Variants in COL11A1 observed in about 807,000 individuals in gnomAD.
COL11A1 encodes collagen alpha-1(XI) chain.
Under a neutral mutation model 265.2 loss-of-function variants are expected in COL11A1, and 74 were observed. The observed-to-expected ratio is 0.28, with a 90% CI of 0.23 to 0.34. The LOEUF (loss-of-function observed/expected upper bound fraction) is 0.34, where lower values mean the gene tolerates loss of function less well. Among genes scored for constraint, COL11A1 ranks in the 10% least tolerant of loss-of-function variants. The pLI, the probability that COL11A1 is intolerant of heterozygous loss-of-function variation, is 1.00. For synonymous variants in COL11A1, 816 were observed against 727.6 expected, an observed-to-expected ratio of 1.12 and a Z score of -1.96; for missense variants, 2,165 against 2,263.6, an observed-to-expected ratio of 0.96 and a Z score of 0.88.
At position 102,878,185 on chromosome 1, in the gene COL11A1, TAAA is replaced by T; in HGVS notation, c.5275-23_5275-21del. On this transcript the variant is annotated intron_variant, in intron 66 of 66. Coordinates refer to ENST00000370096, the MANE Select transcript of COL11A1 (RefSeq NM_001854.4). ...TCTGGACTGTAAAATAAAGCAGAAATAAAAAGTTATACAATCTTTTAATATTTT... is the reference window on the plus strand; with the variant it reads ...TCTGGACTGTAAAATAAAGCAGAAATAAGTTATACAATCTTTTAATATTTT... 1 of 1,594,300 alleles carries T rather than the reference TAAA, an allele frequency of 6.3e-7. No individual in the cohort carries two copies. Among genetic ancestry groups the T allele is most frequent in the Non-Finnish European group, 8.6e-7 (1 of 1,166,884 alleles).
chr1:102,929,426 G>T (rs906291405), intron 46 of COL11A1, among the ~76,000 whole-genome samples: 1 of 151,730 alleles, frequency 6.6e-6, no homozygotes, highest in Admixed American at 6.6e-5. Flanking sequence ...ATTTCTGAGG[G>T]CTCTGTTCTG....
At chr1:103,069,675 A>T (rs1416232572) in intron 4 of COL11A1, among the ~76,000 whole-genome samples, 1 of 151,988 alleles carries the variant, frequency 6.6e-6, no homozygotes, top group Non-Finnish European at 1.5e-5. Flanking sequence ...TTTATGCAGG[A>T]TAAAGTTTTA....
chr1:102,900,101 A>C (rs1652997058), intron 54 of COL11A1, among the ~76,000 whole-genome samples: 1 of 152,162 alleles, frequency 6.6e-6, no homozygotes, highest in Non-Finnish European at 1.5e-5. Flanking sequence ...CAATTCCACG[A>C]ACTCATTTTA....
At chr1:102,959,152 G>A (rs917257250) in intron 41 of COL11A1, among the ~76,000 whole-genome samples, 6 of 152,070 alleles carry the variant, frequency 3.9e-5, no homozygotes, top group Non-Finnish European at 8.8e-5. Context: ...TGACAGATTT[G>A]TTTTCTTAAA....
At chr1:102,902,338 T>A (rs1653318227) in intron 54 of COL11A1, among the ~76,000 whole-genome samples, 2 of 152,200 alleles carry the variant, frequency 1.3e-5, no homozygotes, top group South Asian at 4.1e-4. Context: ...TATGGAGATC[T>A]TGATTTTTTA....
intron 35 of COL11A1, among the ~76,000 whole-genome samples, chr1:102,976,997 C>CAT (rs888514970): frequency 2.8e-4 from 43 of 151,828 alleles, no homozygotes; most frequent in African/African-American, 8.7e-4. Context: ...TTTATGTATA[C>CAT]ATATATATAT....
intron 14 of COL11A1, among the ~76,000 whole-genome samples, chr1:103,008,963 G>C (rs1665884436): frequency 6.6e-6 from 1 of 152,086 alleles, no homozygotes; most frequent in Non-Finnish European, 1.5e-5. Flanking sequence ...GATTTTTTTA[G>C]ACTCTGAATT....
intron 57 of COL11A1, among the ~76,000 whole-genome samples, chr1:102,891,246 C>G (rs957756758): frequency 2.0e-5 from 3 of 151,932 alleles, no homozygotes; most frequent in Non-Finnish European, 4.4e-5. Context: ...GTATATTATT[C>G]ATGAAGAAGT....
chr1:103,096,253 C>T (rs952073665), intron 1 of COL11A1, among the ~76,000 whole-genome samples: 3 of 151,860 alleles, frequency 2.0e-5, no homozygotes, highest in Non-Finnish European at 4.4e-5. Flanking sequence ...CTGCAATTTT[C>T]CAGATATAAA....
chr1:103,014,905 C>T (rs1200917359), intron 12 of COL11A1, among the ~76,000 whole-genome samples: 1 of 151,790 alleles, frequency 6.6e-6, no homozygotes, highest in Non-Finnish European at 1.5e-5. Context: ...CAAATGTTAC[C>T]CATTTTATTG....
At chr1:102,941,547 T>C (rs1383940943) in intron 42 of COL11A1, among the ~76,000 whole-genome samples, 1 of 152,192 alleles carries the variant, frequency 6.6e-6, no homozygotes, top group Non-Finnish European at 1.5e-5. Context: ...CCAACCCTTC[T>C]AGACATTTTT....
At chr1:102,890,330 T>C in intron 58 of COL11A1, 121 bp downstream of exon 58, 1 of 890,962 alleles carries the variant, frequency 1.1e-6, no homozygotes, top group Non-Finnish European at 1.7e-6. Flanking sequence ...GAAGCTTTTT[T>C]CAGGGTTAGA....
chr1:103,108,306 A>G lies in COL11A1; in HGVS notation c.-128T>C. On this transcript the variant is annotated 5_prime_UTR_variant, in exon 1 of 67. Transcript: ENST00000370096. Reference sequence around the variant, plus strand: ...CCATTGGGGAGGGAGAGGGGGAAAAAGTCAAAGGGCTTTTTCTTCTAAATT... The same window carrying G: ...CCATTGGGGAGGGAGAGGGGGAAAAGGTCAAAGGGCTTTTTCTTCTAAATT... The G allele has an allele frequency of 1.4e-6, 1 of 737,434 alleles. No homozygotes were observed. Among genetic ancestry groups the G allele is most frequent in the East Asian group, 2.7e-5 (1 of 37,382 alleles). 45.7% of individuals were successfully genotyped at this position (737,434 alleles called of 1,614,324 possible). A position where few individuals can be genotyped will look rare whatever the true frequency, so the allele number is the denominator to read the frequency against.
intron 10 of COL11A1, 134 bp from the exon 11 acceptor site, chr1:103,018,016 T>C: frequency 1.3e-6 from 1 of 788,062 alleles, no homozygotes; most frequent in Non-Finnish European, 2.1e-6. Flanking sequence ...TTGCCCTATT[T>C]ATCTTCCTGT....
intron 11 of COL11A1, among the ~76,000 whole-genome samples, chr1:103,016,641 T>C (rs946691292): frequency 6.6e-6 from 1 of 151,874 alleles, no homozygotes; most frequent in Non-Finnish European, 1.5e-5. Context: ...TATAAAAAAA[T>C]GCAGCAGCAC....
intron 4 of COL11A1, among the ~76,000 whole-genome samples, chr1:103,063,393 G>T (rs1181023742): frequency 6.6e-6 from 1 of 152,024 alleles, no homozygotes; most frequent in Non-Finnish European, 1.5e-5. Flanking sequence ...ATAGAATAAA[G>T]ATCCTAGAAA....
At chr1:102,927,336 G>A (rs1656712459) in intron 46 of COL11A1, among the ~76,000 whole-genome samples, 1 of 152,086 alleles carries the variant, frequency 6.6e-6, no homozygotes, top group Non-Finnish European at 1.5e-5. Context: ...TCACTAGGAA[G>A]AGACAGAATA....
chr1:102,976,576 G>C (rs1439762131), intron 35 of COL11A1, among the ~76,000 whole-genome samples: 3 of 152,132 alleles, frequency 2.0e-5, no homozygotes, highest in Middle Eastern at 3.4e-3. Flanking sequence ...TGGGATTACA[G>C]GTGTGAGCCA....
chr1:102,993,934 C>A (rs576277139), intron 28 of COL11A1, among the ~76,000 whole-genome samples: 2 of 152,144 alleles, frequency 1.3e-5, no homozygotes, highest in Non-Finnish European at 2.9e-5. Context: ...GGAGAGCCAA[C>A]TGGTACTCTG....
Sources: gnomAD v4.1 joint callset for allele counts (sites outside exome capture counted in the v4.1 genomes callset) on GRCh38, gnomAD v4.1.1 for gene constraint, MANE v1.5 for transcripts, NCBI Gene and HGNC (gene_info 2026-07-23, HGNC 2026-07-21) for gene names.